CKAP5: variants seen among roughly 807,000 people sequenced by gnomAD.
CKAP5 encodes cytoskeleton-associated protein 5.
CKAP5 carries 27 observed loss-of-function variants against 232.8 expected under a neutral mutation model. The observed-to-expected ratio is 0.12, with a 90% CI of 0.09 to 0.16. The LOEUF is 0.16. Among genes scored for constraint, CKAP5 ranks in the 10% least tolerant of loss-of-function variants. The pLI is 1.00. For synonymous variants in CKAP5, 785 were observed against 841.1 expected (o/e 0.93, Z 1.16); for missense variants, 1,838 against 2,424.7 (o/e 0.76, Z 5.08).
chr11:46,767,652 C>A lies in CKAP5; in HGVS notation c.3334G>T (p.Asp1112Tyr). Residue 1112 changes from aspartate to tyrosine, a missense_variant, in exon 27 of 44, where the codon GAT becomes TAT. Asp to Tyr is a radical substitution (Grantham distance 160). This residue lies in a region of CKAP5 where 767 missense variants were observed against 954.6 expected (regional missense o/e 0.80). Coordinates refer to ENST00000529230, the MANE Select transcript of CKAP5 (RefSeq NM_001008938.4). ...KFQPASAPAEDCISSSTEPKP... is the reference protein window; with the variant it reads ...KFQPASAPAEYCISSSTEPKP... Reference sequence around the variant, plus strand: ...GGTTCTGTACTGCTGGAAATACAATCTTCAGCAGGTGCTTTGAGGAAAAAA... The same window carrying A: ...GGTTCTGTACTGCTGGAAATACAATATTCAGCAGGTGCTTTGAGGAAAAAA... 6.2e-7 allele frequency: 1 copy of A among 1,607,734 alleles called. No individual in the cohort carries two copies. Among genetic ancestry groups the A allele is most frequent in the Non-Finnish European group, 8.5e-7 (1 of 1,176,352 alleles).
At chr11:46,824,046 AT>A (rs560698165) in intron 1 of CKAP5, among the ~76,000 whole-genome samples, 27 of 152,352 alleles carry the variant, frequency 1.8e-4, no homozygotes, top group Non-Finnish European at 3.2e-4. Flanking sequence ...AAGGAAAGAT[AT>A]TCTCATTTTA....
chr11:46,841,997 CAAAAAAAAAAAA>C (rs3031699), intron 1 of CKAP5, among the ~76,000 whole-genome samples: 4 of 109,420 alleles, frequency 3.7e-5, no homozygotes, highest in African/African-American at 1.4e-4. Flanking sequence ...GACTTTGGTT[CAAAAAAAAAAAA>C]AAAAAAAAAG....
At chr11:46,843,411 G>A (rs992325015) in intron 1 of CKAP5, among the ~76,000 whole-genome samples, 1 of 151,924 alleles carries the variant, frequency 6.6e-6, no homozygotes, top group Non-Finnish European at 1.5e-5. Context: ...AGAGCCATTG[G>A]TGAAGCCCCG....
chr11:46,809,998 G>T, intron 5 of CKAP5, 124 bp from the exon 6 acceptor site: 2 of 907,072 alleles, frequency 2.2e-6, no homozygotes, highest in Non-Finnish European at 3.2e-6. Flanking sequence ...TGGAGACAGA[G>T]TCTTACTCTG....
intron 35 of CKAP5, 196 bp downstream of exon 35, chr11:46,758,727 A>C: frequency 1.9e-6 from 1 of 519,684 alleles, no homozygotes. Flanking sequence ...AAAAAAAAAA[A>C]AAAATAAGGC....
intron 8 of CKAP5, among the ~76,000 whole-genome samples, chr11:46,805,025 C>T (rs1939122222): frequency 6.6e-6 from 1 of 150,666 alleles, no homozygotes; most frequent in Non-Finnish European, 1.5e-5. Context: ...CACTTGAGGA[C>T]AGGAGTTCAA....
In CKAP5 at chr11:46,784,370, A is replaced by C. The variant is rs1375547261; in HGVS notation, c.2154+118T>G. On this transcript the variant is annotated intron_variant, in intron 17 of 43. Coordinates refer to ENST00000529230, the MANE Select transcript of CKAP5 (RefSeq NM_001008938.4). ...AGAGTGAAACTCCATCTCAAAAAAA[A>C]TGCAGTATCAAAAAAGATTTTACTT... 3.9e-5 allele frequency: 31 copies of C among 801,924 alleles called. No homozygotes were observed. The East Asian group carries it at 7.5e-4, about 19-fold the overall frequency. 49.7% of individuals were successfully genotyped at this position (801,924 alleles called of 1,614,324 possible).
At chr11:46,843,683 T>A (rs143940205) in intron 1 of CKAP5, among the ~76,000 whole-genome samples, 1 of 135,520 alleles carries the variant, frequency 7.4e-6, no homozygotes, top group African/African-American at 2.8e-5. Flanking sequence ...TGACCCATAA[T>A]AGCAGCACTG....
chr11:46,817,956 C>T (rs1482880836), intron 3 of CKAP5, among the ~76,000 whole-genome samples: 1 of 152,190 alleles, frequency 6.6e-6, no homozygotes, highest in African/African-American at 2.4e-5. Flanking sequence ...CAGTGAAATT[C>T]TGATAATTCC....
chr11:46,811,850 T>C (rs1373634469), intron 4 of CKAP5, among the ~76,000 whole-genome samples: 1 of 152,214 alleles, frequency 6.6e-6, no homozygotes, highest in African/African-American at 2.4e-5. Flanking sequence ...TTTACATGAA[T>C]GAAATCTACT....
At chr11:46,819,752 G>A (rs1405876383) in intron 2 of CKAP5, among the ~76,000 whole-genome samples, 1 of 152,134 alleles carries the variant, frequency 6.6e-6, no homozygotes, top group African/African-American at 2.4e-5. Flanking sequence ...AGGAAGGAAT[G>A]CTGCCTAACC....
Position 46,751,534 on chromosome 11 carries a change from A to T in CKAP5, c.5134T>A (p.Cys1712Ser). ...AACAGTCGAACCATTCTCCAGAGAC[A>T]CTATTGAAAAAAGAATAAAAGAGTT... is the stretch of plus-strand genomic sequence containing the variant. ...SPKFSELVMK[C>S]LWRMVRLLPD... The change falls in exon 39 of 44, where the codon TGT becomes AGT. Residue 1712 changes from cysteine (C) to serine (S), a missense_variant and splice_region_variant. Physicochemically the swap from Cys to Ser is moderately radical, Grantham distance 112. Coordinates refer to ENST00000529230, the MANE Select transcript of CKAP5 (RefSeq NM_001008938.4). 1.2e-6 allele frequency: 2 copies of T among 1,601,414 alleles called. No homozygotes were observed. The highest frequency in any genetic ancestry group is 8.5e-7 in the Non-Finnish European group (1 of 1,174,820).
At position 46,794,802 on chromosome 11, in the gene CKAP5, C is replaced by G. The variant is rs1046522759; in HGVS notation, c.1650+792G>C. Among the ~76,000 whole-genome samples, 4 of 152,190 alleles carry G rather than the reference C, an allele frequency of 2.6e-5. No individual in the cohort carries two copies. In the East Asian group the frequency reaches 7.7e-4, roughly 29 times the overall value. ...AGTGAGCTATAATCGCACCACTGCCCTCCAGCTTGGACAACAGAGCAAGAC... is the reference window on the plus strand; with the variant it reads ...AGTGAGCTATAATCGCACCACTGCCGTCCAGCTTGGACAACAGAGCAAGAC... On this transcript the variant is annotated intron_variant, in intron 13 of 43. Transcript: ENST00000529230.
rs557074606 is a variant in CKAP5, at chr11:46,815,739, C to T, written c.458+459G>A. Among the ~76,000 whole-genome samples the T allele has an allele frequency of 1.2e-4, 18 of 152,298 alleles. No homozygotes were observed. The South Asian group carries it at 3.7e-3, about 32-fold the overall frequency. On this transcript the variant is annotated intron_variant, in intron 4 of 43. Coordinates refer to ENST00000529230, the MANE Select transcript of CKAP5 (RefSeq NM_001008938.4). Reference sequence around the variant, plus strand: ...AGTGCCACACTTGGGGAATGACTTTCCTTATTCAGGTCACTTTCTTGCTTG... The same window carrying T: ...AGTGCCACACTTGGGGAATGACTTTTCTTATTCAGGTCACTTTCTTGCTTG...
intron 34 of CKAP5, 44 bp downstream of exon 34, chr11:46,759,220 GTCTGA>G: frequency 6.4e-7 from 1 of 1,563,368 alleles, no homozygotes; most frequent in South Asian, 1.2e-5. Context: ...CACGTAGGCC[GTCTGA>G]TCATCATGAA....
intron 24 of CKAP5, 53 bp from the exon 25 acceptor site, chr11:46,771,035 T>C: frequency 6.7e-7 from 1 of 1,485,624 alleles, no homozygotes; most frequent in Non-Finnish European, 9.3e-7. Flanking sequence ...ACTGTTATCA[T>C]TTATGATCTC....
At chr11:46,752,304 A>T (rs986555825) in intron 38 of CKAP5, among the ~76,000 whole-genome samples, 1 of 147,760 alleles carries the variant, frequency 6.8e-6, no homozygotes, top group African/African-American at 2.5e-5. Flanking sequence ...TATAATACAC[A>T]TATATATAAA....
intron 18 of CKAP5, 147 bp downstream of exon 18, chr11:46,783,127 G>C (rs771504391): frequency 4.2e-5 from 21 of 495,436 alleles, no homozygotes; most frequent in Non-Finnish European, 7.4e-5. Flanking sequence ...AGACCTTTGA[G>C]AACAAAGGTA....
chr11:46,837,793 A>G (rs1422280028), intron 1 of CKAP5, among the ~76,000 whole-genome samples: 1 of 152,218 alleles, frequency 6.6e-6, no homozygotes, highest in African/African-American at 2.4e-5. Flanking sequence ...AAATAAATAT[A>G]CTTGAGTCCA....
Sources: gnomAD v4.1 joint callset for allele counts (sites outside exome capture counted in the v4.1 genomes callset) on GRCh38, gnomAD v4.1.1 for gene constraint, gnomAD v4.1.1 regional missense constraint, MANE v1.5 for transcripts, NCBI Gene and HGNC (gene_info 2026-07-23, HGNC 2026-07-21) for gene names.